The following SAMMSON variants were observed in gnomAD, a reference collection of about 807,000 sequenced individuals.
SAMMSON encodes the protein survival associated mitochondrial melanoma specific oncogenic non-coding RNA, also known as long intergenic non-protein coding RNA 1212.
intron 7 of SAMMSON, among the ~76,000 whole-genome samples, chr3:70,306,672 T>C (rs1025708613): frequency 6.6e-6 from 1 of 152,176 alleles, no homozygotes; most frequent in Admixed American, 6.6e-5. Context: ...AACATCTGGT[T>C]AGAAGATTGC....
chr3:70,376,372 A>G (rs1703014575), intron 9 of SAMMSON, among the ~76,000 whole-genome samples: 1 of 152,200 alleles, frequency 6.6e-6, no homozygotes, highest in South Asian at 2.1e-4. Context: ...TATAAATGCC[A>G]TATACACTAA....
At chr3:70,101,626 C>T (rs976765540) in intron 4 of SAMMSON, among the ~76,000 whole-genome samples, 5 of 152,082 alleles carry the variant, frequency 3.3e-5, no homozygotes, top group African/African-American at 7.2e-5. Flanking sequence ...AGACAATAAG[C>T]GTTATTTACA....
At chr3:70,238,890 A>G (rs1292349020) in intron 4 of SAMMSON, among the ~76,000 whole-genome samples, 2 of 152,008 alleles carry the variant, frequency 1.3e-5, no homozygotes, top group Non-Finnish European at 2.9e-5. Flanking sequence ...ATTTCTTCTG[A>G]CTCTATTTTC....
At chr3:70,123,432 A>C (rs1318276292) in intron 4 of SAMMSON, among the ~76,000 whole-genome samples, 2 of 152,120 alleles carry the variant, frequency 1.3e-5, no homozygotes, top group Non-Finnish European at 2.9e-5. Context: ...CACCACGCCT[A>C]GCTAATTTTT....
intron 3 of SAMMSON, among the ~76,000 whole-genome samples, chr3:70,021,376 G>A (rs562151340): frequency 2.6e-5 from 4 of 152,178 alleles, no homozygotes; most frequent in Non-Finnish European, 5.9e-5. Flanking sequence ...ACCTTTTGCT[G>A]TTTTTATAAC....
intron 1 of SAMMSON, among the ~76,000 whole-genome samples, chr3:70,007,828 G>A (rs1035745975): frequency 2.0e-5 from 3 of 152,090 alleles, no homozygotes; most frequent in Non-Finnish European, 4.4e-5. Context: ...TTTGTATAAG[G>A]TGTAAGGAAG....
chr3:70,290,662 G>C (rs552567925), intron 6 of SAMMSON, among the ~76,000 whole-genome samples: 73 of 152,238 alleles, frequency 4.8e-4, no homozygotes, highest in African/African-American at 1.7e-3. Context: ...CCCTAGCCTC[G>C]CTGCCGCCTT....
intron 3 of SAMMSON, among the ~76,000 whole-genome samples, chr3:70,037,545 G>A (rs1273283203): frequency 6.6e-6 from 1 of 152,180 alleles, no homozygotes; most frequent in African/African-American, 2.4e-5. Flanking sequence ...AATACACACA[G>A]ACAAATCTGG....
intron 4 of SAMMSON, among the ~76,000 whole-genome samples, chr3:70,108,571 C>A (rs2067376696): frequency 6.6e-6 from 1 of 151,790 alleles, no homozygotes. Flanking sequence ...AATTCATATA[C>A]TGAAACTCCA....
At chr3:70,296,139 A>G (rs1702287456) in intron 7 of SAMMSON, among the ~76,000 whole-genome samples, 1 of 151,988 alleles carries the variant, frequency 6.6e-6, no homozygotes, top group Non-Finnish European at 1.5e-5. Flanking sequence ...TTATCAGTAC[A>G]TTTTCTTTAC....
At chr3:70,303,894 G>A (rs950058940) in intron 7 of SAMMSON, among the ~76,000 whole-genome samples, 3 of 152,060 alleles carry the variant, frequency 2.0e-5, no homozygotes, top group Non-Finnish European at 4.4e-5. Flanking sequence ...TGTTGGCCAG[G>A]TTGGTCTAAA....
chr3:70,011,930 A>G (rs10510993), intron 1 of SAMMSON, among the ~76,000 whole-genome samples: 2,826 of 152,194 alleles, frequency 0.019, 52 homozygotes, highest in Middle Eastern at 0.051. Flanking sequence ...GATGAAATAA[A>G]TTCCCAGAGA....
intron 9 of SAMMSON, among the ~76,000 whole-genome samples, chr3:70,368,277 TG>T: frequency 6.6e-6 from 1 of 151,666 alleles, no homozygotes; most frequent in East Asian, 1.9e-4. Flanking sequence ...GAATGATATT[TG>T]TGAAGGTTTT....
At chr3:70,185,305 G>T (rs1235969082) in intron 4 of SAMMSON, among the ~76,000 whole-genome samples, 1 of 152,006 alleles carries the variant, frequency 6.6e-6, no homozygotes, top group African/African-American at 2.4e-5. Context: ...TAAGAAAAAG[G>T]CTCAGAATAG....
intron 4 of SAMMSON, among the ~76,000 whole-genome samples, chr3:70,141,242 A>T (rs1458504084): frequency 6.6e-6 from 1 of 152,196 alleles, no homozygotes; most frequent in South Asian, 2.1e-4. Context: ...TCACACAATC[A>T]TGAGGCTGAG....
At chr3:70,054,308 A>G (rs2067158278) in intron 3 of SAMMSON, among the ~76,000 whole-genome samples, 1 of 152,158 alleles carries the variant, frequency 6.6e-6, no homozygotes, top group Non-Finnish European at 1.5e-5. Flanking sequence ...TGAACTTGGC[A>G]TAACTCCTTT....
chr3:70,405,157 A>G (rs1332671113), intron 2 of SAMMSON, among the ~76,000 whole-genome samples: 1 of 152,214 alleles, frequency 6.6e-6, no homozygotes, highest in Non-Finnish European at 1.5e-5. Flanking sequence ...CATTTGGTAG[A>G]TACCAAATAA....
At chr3:70,083,231 T>G (rs2067272866) in intron 4 of SAMMSON, among the ~76,000 whole-genome samples, 1 of 152,214 alleles carries the variant, frequency 6.6e-6, no homozygotes, top group African/African-American at 2.4e-5. Flanking sequence ...ATTGTATCGC[T>G]TGCCATTTGG....
intron 3 of SAMMSON, among the ~76,000 whole-genome samples, chr3:70,067,450 A>T (rs1299917470): frequency 1.3e-5 from 2 of 152,048 alleles, no homozygotes; most frequent in African/African-American, 4.8e-5. Context: ...GAAATTCATG[A>T]TTCATTGACT....
Sources: gnomAD v4.1 joint callset for allele counts (sites outside exome capture counted in the v4.1 genomes callset) on GRCh38, gnomAD v4.1.1 for gene constraint, MANE v1.5 for transcripts, NCBI Gene and HGNC (gene_info 2026-07-23, HGNC 2026-07-21) for gene names.